ARHGEF2: variants seen among roughly 807,000 people sequenced by gnomAD.
The protein encoded by ARHGEF2 is Rho/Rac guanine nucleotide exchange factor 2.
A neutral mutation model predicts 121.0 loss-of-function variants in ARHGEF2; 22 were observed. The observed-to-expected ratio is 0.18, with a 90% CI of 0.13 to 0.26. The LOEUF is 0.26. Among genes scored for constraint, ARHGEF2 ranks in the 10% least tolerant of loss-of-function variants. The pLI, the probability that ARHGEF2 is intolerant of heterozygous loss-of-function variation, is 1.00. For synonymous variants in ARHGEF2, 487 were observed against 530.0 expected (o/e 0.92, Z 1.11); for missense variants, 907 against 1,336.0 (o/e 0.68, Z 5.01).
At chr1:155,971,883 T>TAAAAAA (rs58112413) in intron 1 of ARHGEF2, among the ~76,000 whole-genome samples, 31 of 140,442 alleles carry the variant, frequency 2.2e-4, no homozygotes, top group African/African-American at 7.8e-4. Flanking sequence ...CCCATCTCTA[T>TAAAAAA]AAAAAAAAAA....
rs926226291 is a variant in ARHGEF2 at position 155,961,274 on chromosome 1, CTTTTTT to C, written c.1468+381_1468+386del. ...TGGGCTGCATAAAGGGAGGTTGATT[CTTTTTT>C]TTTTTTTTTTTTGAGATGGAGTCTT... On this transcript the variant is annotated intron_variant, in intron 11 of 21. Coordinates refer to ENST00000361247, the MANE Select transcript of ARHGEF2 (RefSeq NM_001162383.2). This position sits in a 1 kb window ranked among gnomAD's most constrained non-coding sequence, Gnocchi z 4.7. Among the ~76,000 whole-genome samples, 1 of 131,378 alleles carries C rather than the reference CTTTTTT, an allele frequency of 7.6e-6. No homozygotes were observed. 86.2% of individuals were successfully genotyped at this position (131,378 alleles called of 152,430 possible). A position where few individuals can be genotyped will look rare whatever the true frequency, so the allele number is the denominator to read the frequency against.
chr1:155,969,449 C>A (rs1680052089), intron 1 of ARHGEF2, 149 bp from the exon 2 acceptor site: 6 of 1,467,504 alleles, frequency 4.1e-6, no homozygotes, highest in South Asian at 2.8e-5. Context: ...GAGCCTGCAA[C>A]TGGGTGTCAG....
In ARHGEF2 at chr1:155,946,897, C is replaced by A; in HGVS notation, c.*1045G>T. On this transcript the variant is annotated 3_prime_UTR_variant, in exon 22 of 22. Transcript: ENST00000361247. ...ATTTTCCCTGAATTTTTTTTTTAAA[C>A]AACAAAATTGGCAAGAAGAAAATTC... is the stretch of plus-strand genomic sequence containing the variant. 6.5e-6 allele frequency: 1 copy of A among 153,154 alleles called. No individual in the cohort carries two copies. Among genetic ancestry groups the A allele is most frequent in the Non-Finnish European group, 1.5e-5 (1 of 68,830 alleles). The allele number at this position is 153,154 out of a possible 1,614,324, so 9.5% of individuals were successfully genotyped here.
chr1:155,979,190 T>C (rs1681884878), upstream of ARHGEF2: 5 of 985,390 alleles, frequency 5.1e-6, no homozygotes, highest in Non-Finnish European at 6.0e-6. Flanking sequence ...TCTGGGGCCT[T>C]CCTGACCCCA....
intron 7 of ARHGEF2, among the ~76,000 whole-genome samples, chr1:155,964,171 T>A (rs868214151): frequency 3.2e-3 from 203 of 63,424 alleles, no homozygotes; most frequent in African/African-American, 0.02. Flanking sequence ...AAAAAAAATA[T>A]ATATATATAT....
intron 2 of ARHGEF2, among the ~76,000 whole-genome samples, chr1:155,967,131 A>C (rs1405112629): frequency 1.3e-5 from 2 of 152,088 alleles, no homozygotes; most frequent in African/African-American, 2.4e-5. Flanking sequence ...GGGATGGGCA[A>C]TCCTGACCCC....
intron 2 of ARHGEF2, among the ~76,000 whole-genome samples, chr1:155,968,052 C>T (rs918788786): frequency 8.6e-5 from 13 of 151,816 alleles, no homozygotes; most frequent in African/African-American, 2.9e-4. Flanking sequence ...TAGTGCTGCC[C>T]GCCTCCCCTG....
Position 155,962,673 on chromosome 1 carries a change from A to G in ARHGEF2, c.1021T>C (p.Phe341Leu). 6.2e-7 allele frequency: 1 copy of G among 1,613,998 alleles called. No homozygotes were observed. Among genetic ancestry groups the G allele is most frequent in the East Asian group, 2.2e-5 (1 of 44,870 alleles). Residue 341 changes from phenylalanine (F) to leucine (L), a missense_variant, in exon 9 of 22, where the codon TTC (phenylalanine) becomes CTC (leucine). Transcript: ENST00000361247. The surrounding 1 kb of genome is among the most constrained non-coding windows in gnomAD (Gnocchi z 5.8). ...AAGGCCTTGCTGTGGCGGCTGCAGA[A>G]CTCCGAGTAGGTCTTACACATCTGC... is the stretch of plus-strand genomic sequence containing the variant. Reference protein sequence around the residue: ...AEQMCKTYSEFCSRHSKALKL... With the variant: ...AEQMCKTYSELCSRHSKALKL...
In ARHGEF2 at chr1:155,947,109, C is replaced by G. The variant is rs12037399; in HGVS notation, c.*833G>C. ...GGGAAGAGGTCAGTATAGGTCCCCC[C>G]GTTACTGCAGATGAAGGCAGAAGTC... On this transcript the variant is annotated 3_prime_UTR_variant, in exon 22 of 22. Coordinates refer to ENST00000361247, the MANE Select transcript of ARHGEF2 (RefSeq NM_001162383.2). The G allele has an allele frequency of 2.9e-6, 1 of 345,582 alleles. No homozygotes were observed. The highest frequency in any genetic ancestry group is 2.2e-5 in the African/African-American group (1 of 46,416). 21.4% of individuals were successfully genotyped at this position (345,582 alleles called of 1,614,324 possible). A position where few individuals can be genotyped will look rare whatever the true frequency, so the allele number is the denominator to read the frequency against.
chr1:155,958,528 T>C, intron 11 of ARHGEF2, 132 bp from the exon 12 acceptor site: 1 of 621,420 alleles, frequency 1.6e-6, no homozygotes, highest in Non-Finnish European at 2.8e-6. Context: ...CTCTCTTCCC[T>C]CTGGCTGCTT....
intron 14 of ARHGEF2, among the ~76,000 whole-genome samples, chr1:155,954,474 G>C (rs1431538622): frequency 6.8e-6 from 1 of 146,942 alleles, no homozygotes; most frequent in Non-Finnish European, 1.5e-5. Context: ...TTTTTTAGTA[G>C]AGACGGGGTT....
In ARHGEF2 at chr1:155,949,520, C is replaced by T. The variant is rs192389655; in HGVS notation, c.2887+779G>A. On this transcript the variant is annotated intron_variant, in intron 21 of 21. Transcript: ENST00000361247. ...ACTTGGACCTGGGAGGCGGAGGTTG[C>T]AGTAAGCGGAGATCTCACTACTGTA... Among the ~76,000 whole-genome samples the T allele has an allele frequency of 1.7e-3, 260 of 150,938 alleles. 1 individual carries two copies. Among genetic ancestry groups the T allele is most frequent in the African/African-American group, 6.1e-3 (249 of 40,990 alleles).
chr1:155,958,421 ACAGT>A (rs777201443), intron 11 of ARHGEF2, 25 bp from the exon 12 acceptor site: 12 of 1,591,630 alleles, frequency 7.5e-6, no homozygotes, highest in Non-Finnish European at 1.0e-5. Flanking sequence ...AGGTGGGAGA[ACAGT>A]CAGCACTAGA....
Position 155,962,242 on chromosome 1 carries a change from G to A in ARHGEF2, c.1102-20C>T. Reference sequence around the variant, plus strand: ...CACTTTCTACAAGGGAGGAGGCAGGGCTCAGGGCCAGAGGGGAGGGCAACA... The same window carrying A: ...CACTTTCTACAAGGGAGGAGGCAGGACTCAGGGCCAGAGGGGAGGGCAACA... On this transcript the variant is annotated intron_variant, in intron 9 of 21. Coordinates refer to ENST00000361247, the MANE Select transcript of ARHGEF2 (RefSeq NM_001162383.2). The surrounding 1 kb of genome is among the most constrained non-coding windows in gnomAD (Gnocchi z 5.8). 6.2e-7 allele frequency: 1 copy of A among 1,609,978 alleles called. No homozygotes were observed. The highest frequency in any genetic ancestry group is 8.5e-7 in the Non-Finnish European group (1 of 1,176,844).
rs781169040 is a variant in ARHGEF2 at position 155,950,393 on chromosome 1, C to T, written c.2793G>A (p.Gly931=). 3.1e-6 allele frequency: 5 copies of T among 1,613,964 alleles called. No individual in the cohort carries two copies. The highest frequency in any genetic ancestry group is 4.2e-6 in the Non-Finnish European group (5 of 1,180,050). Residue 931 remains glycine (G), a synonymous_variant, in exon 21 of 22, where the codon GGG becomes GGA. Coordinates refer to ENST00000361247, the MANE Select transcript of ARHGEF2 (RefSeq NM_001162383.2). The surrounding 1 kb of genome is among the most constrained non-coding windows in gnomAD (Gnocchi z 5.2). ...TGTCTTGCAGCCGCTCTTCGGGGCT[C>T]CCCAGTTCCTGCCTCTCTCGGTCCT... is the stretch of plus-strand genomic sequence containing the variant. ...NFEDRERQEL[G]SPEERLQDSS... is the part of the protein sequence containing the mutation.
intron 1 of ARHGEF2, chr1:155,970,258 G>A (rs1042992287): frequency 2.4e-5 from 24 of 985,378 alleles, no homozygotes; most frequent in South Asian, 1.9e-4. Flanking sequence ...CCTCTGAGCC[G>A]CATTTTCCAT....
intron 7 of ARHGEF2, 26 bp downstream of exon 7, chr1:155,964,962 G>A (rs780385889): frequency 6.3e-7 from 1 of 1,597,742 alleles, no homozygotes; most frequent in Non-Finnish European, 8.5e-7. Context: ...TGAAGGAAGA[G>A]GAAGACTAGG....
Position 155,962,451 on chromosome 1 carries a change from G to T in ARHGEF2, c.1101+142C>A. The T allele has an allele frequency of 7.8e-7, 1 of 1,287,514 alleles. No individual in the cohort carries two copies. The highest frequency in any genetic ancestry group is 1.1e-6 in the Non-Finnish European group (1 of 923,562). The allele number at this position is 1,287,514 out of a possible 1,614,324, so 79.8% of individuals were successfully genotyped here. ...TGCTCTAGCATTCTGAGGGGTTACT[G>T]CTGACAGGATCTGTGTATGGATGGT... On this transcript the variant is annotated intron_variant, in intron 9 of 21. Transcript: ENST00000361247. This position sits in a 1 kb window ranked among gnomAD's most constrained non-coding sequence, Gnocchi z 5.8.
rs1679251390 is a variant in ARHGEF2, at chr1:155,965,758, T to C, written c.343A>G (p.Thr115Ala). 1.3e-6 allele frequency: 2 copies of C among 1,595,844 alleles called. No homozygotes were observed. The highest frequency in any genetic ancestry group is 2.2e-5 in the South Asian group (2 of 89,208). The change falls in exon 5 of 22, where the codon ACC becomes GCC. Residue 115 changes from threonine (T) to alanine (A), a missense_variant and splice_region_variant. By Grantham distance (58) the Thr-to-Ala change is moderately conservative. Around this residue, in one of 2 missense-constraint regions of ARHGEF2, gnomAD observed 475 missense variants for 776.5 expected, o/e 0.61. Coordinates refer to ENST00000361247, the MANE Select transcript of ARHGEF2 (RefSeq NM_001162383.2). The surrounding 1 kb of genome is among the most constrained non-coding windows in gnomAD (Gnocchi z 6.0). Reference sequence around the variant, plus strand: ...GCCGAGCTTGGCCGCTCCCGGATGGTTGCTGTGGGGGAGAGATGCCCAGCA... The same window carrying C: ...GCCGAGCTTGGCCGCTCCCGGATGGCTGCTGTGGGGGAGAGATGCCCAGCA... The part of the protein sequence containing the change: ...LQSVSLRSKT[T>A]IRERPSSAIY...
Sources: allele counts gnomAD v4.1 joint callset (sites outside exome capture counted in the v4.1 genomes callset), GRCh38; gene constraint gnomAD v4.1.1; regional missense constraint gnomAD v4.1.1; non-coding constraint Gnocchi (gnomAD v3.1); transcripts MANE v1.5; gene names NCBI Gene and HGNC (gene_info 2026-07-23, HGNC 2026-07-21).